The following PPIG variants were observed in gnomAD, a reference collection of about 807,000 sequenced individuals.
PPIG encodes the protein peptidylprolyl isomerase G.
A neutral mutation model predicts 87.9 loss-of-function variants in PPIG; 26 were observed. The ratio of observed to expected loss-of-function variants is 0.30; its 90% CI spans 0.22 to 0.41. The LOEUF (loss-of-function observed/expected upper bound fraction) is 0.41, where lower values mean the gene tolerates loss of function less well. Ranked by LOEUF, PPIG falls within the 10% of genes least tolerant of loss-of-function variation. PPIG has a pLI of 1.00. For missense variants in PPIG, 722 were observed against 879.4 expected (o/e 0.82, Z 2.26); for synonymous variants, 308 against 276.5 (o/e 1.11, Z -1.13).
intron 10 of PPIG, 26 bp downstream of exon 10, chr2:169,631,013 A>G: frequency 6.6e-7 from 1 of 1,520,900 alleles, no homozygotes; most frequent in Non-Finnish European, 8.9e-7. Context: ...TTCTAATGCT[A>G]GCTTTATATT....
intron 9 of PPIG, among the ~76,000 whole-genome samples, chr2:169,621,594 GTT>G (rs1163638191): frequency 6.6e-6 from 1 of 151,928 alleles, no homozygotes; most frequent in African/African-American, 2.4e-5. Flanking sequence ...CTGTAATGAT[GTT>G]TGTTACTCTA....
At chr2:169,612,866 G>A (rs181268907) in intron 7 of PPIG, among the ~76,000 whole-genome samples, 44 of 152,224 alleles carry the variant, frequency 2.9e-4, no homozygotes, top group Middle Eastern at 3.4e-3. Context: ...GAGTGAATTG[G>A]TGGGTTATAT....
At chr2:169,617,429 T>G (rs898177425) in intron 9 of PPIG, among the ~76,000 whole-genome samples, 8 of 152,246 alleles carry the variant, frequency 5.3e-5, no homozygotes, top group African/African-American at 1.9e-4. Context: ...GAGATAGCAT[T>G]GAATCTATAA....
At chr2:169,592,207 T>C (rs186745211) in intron 1 of PPIG, among the ~76,000 whole-genome samples, 27 of 150,990 alleles carry the variant, frequency 1.8e-4, no homozygotes, top group African/African-American at 5.8e-4. Context: ...TTTTGGTATC[T>C]CCTAGCATTA....
chr2:169,617,635 C>T (rs775576549), intron 9 of PPIG, among the ~76,000 whole-genome samples: 10 of 152,092 alleles, frequency 6.6e-5, no homozygotes, highest in Non-Finnish European at 1.2e-4. Flanking sequence ...AATGGGAGTT[C>T]ACTCATGATT....
At chr2:169,625,890 C>T (rs897199969) in intron 9 of PPIG, among the ~76,000 whole-genome samples, 11 of 152,166 alleles carry the variant, frequency 7.2e-5, no homozygotes, top group Admixed American at 2.0e-4. Flanking sequence ...CTAGATCCCT[C>T]GTATGCACAG....
chr2:169,607,804 C>G (rs542237814), intron 6 of PPIG, among the ~76,000 whole-genome samples: 42 of 152,180 alleles, frequency 2.8e-4, no homozygotes, highest in Admixed American at 1.4e-3. Flanking sequence ...AAATAATACT[C>G]TGTGTGCTCA....
chr2:169,630,776 A>G lies in PPIG; in HGVS notation c.550A>G (p.Lys184Glu), dbSNP rs918133287. ...CGELIPKSKV[K>E]KEEKKRHKSS... ...AAACCTTTTTGTTTTTATTAAAGTT[A>G]AGAAAGAAGAAAAGAAAAGGCATAA... The change falls in exon 10 of 14, where the codon AAG becomes GAG. Residue 184 changes from lysine to glutamate, a missense_variant and splice_region_variant. Coordinates refer to ENST00000260970, the MANE Select transcript of PPIG (RefSeq NM_004792.3). 1.3e-6 allele frequency: 2 copies of G among 1,589,686 alleles called. No individual in the cohort carries two copies. The highest frequency in any genetic ancestry group is 8.5e-7 in the Non-Finnish European group (1 of 1,173,186).
At chr2:169,605,123 C>T (rs542450323) in intron 4 of PPIG, among the ~76,000 whole-genome samples, 1 of 152,304 alleles carries the variant, frequency 6.6e-6, no homozygotes, top group Admixed American at 6.5e-5. Context: ...CACCTGATGT[C>T]AGGAGCTTGA....
chr2:169,599,781 G>A (rs1374099559), intron 1 of PPIG, among the ~76,000 whole-genome samples: 1 of 152,202 alleles, frequency 6.6e-6, no homozygotes, highest in African/African-American at 2.4e-5. Context: ...TCTGCAGTGA[G>A]TTGGATAACC....
intron 9 of PPIG, among the ~76,000 whole-genome samples, chr2:169,616,237 C>G (rs1240249225): frequency 6.6e-6 from 1 of 152,112 alleles, no homozygotes; most frequent in African/African-American, 2.4e-5. Context: ...TTTTCTTTAT[C>G]CTGTCTATCA....
chr2:169,618,710 C>A (rs1685667049), intron 9 of PPIG, among the ~76,000 whole-genome samples: 1 of 152,024 alleles, frequency 6.6e-6, no homozygotes, highest in South Asian at 2.1e-4. Context: ...TCCCCTTTAT[C>A]ATTTTTTATT....
rs1684692687 is a variant in PPIG at position 169,585,998 on chromosome 2, T to C, written c.-70+1508T>C. Among the ~76,000 whole-genome samples, 4 of 152,182 alleles carry C rather than the reference T, an allele frequency of 2.6e-5. No homozygotes were observed. The South Asian group carries it at 8.3e-4, about 32-fold the overall frequency. ...ATCGTGCTATAAAATCCAGAAAAGA[T>C]ACATTTAGAATGGCTGCTTCTCTCC... On this transcript the variant is annotated intron_variant, in intron 1 of 13. Coordinates refer to ENST00000260970, the MANE Select transcript of PPIG (RefSeq NM_004792.3).
Position 169,632,031 on chromosome 2 carries a change from T to C in PPIG, c.929+98T>C. On this transcript the variant is annotated intron_variant, in intron 11 of 13. Coordinates refer to ENST00000260970, the MANE Select transcript of PPIG (RefSeq NM_004792.3). ...AAACAAGATTTAATTGGTGACCTTG[T>C]CCCAAGATTGAAATCTTTTTTATAA... is the stretch of plus-strand genomic sequence containing the variant. 3 of 1,302,698 alleles carry C rather than the reference T, an allele frequency of 2.3e-6. No individual in the cohort carries two copies. The East Asian group carries it at 8.2e-5, about 36-fold the overall frequency. 80.7% of individuals were successfully genotyped at this position (1,302,698 alleles called of 1,614,324 possible). A position where few individuals can be genotyped will look rare whatever the true frequency, so the allele number is the denominator to read the frequency against.
At position 169,597,195 on chromosome 2, in the gene PPIG, A is replaced by G. The variant is rs1214001174; in HGVS notation, c.-69-6447A>G. ...AATAGATAATATATTCATGTGGTAT[A>G]AAATTGAAAATATGAGGTTATAAAG... On this transcript the variant is annotated intron_variant, in intron 1 of 13. Transcript: ENST00000260970. Among the ~76,000 whole-genome samples, 3 of 152,212 alleles carry G rather than the reference A, an allele frequency of 2.0e-5. No homozygotes were observed. In the East Asian group the frequency reaches 5.8e-4, roughly 29 times the overall value.
chr2:169,625,855 A>T (rs1323578557), intron 9 of PPIG, among the ~76,000 whole-genome samples: 2 of 152,150 alleles, frequency 1.3e-5, no homozygotes, highest in African/African-American at 4.8e-5. Context: ...CATCAGGCAT[A>T]AGCGTTTAAT....
rs1229860901 is a variant in PPIG at position 169,614,684 on chromosome 2, A to G, written c.507A>G (p.Val169=). Residue 169 remains valine (V), a synonymous_variant, in exon 9 of 14, where the codon GTA becomes GTG. Coordinates refer to ENST00000260970, the MANE Select transcript of PPIG (RefSeq NM_004792.3). ...TDAASKPFAE[V]RILSCGELIP... ...CAGCTAGCAAACCGTTTGCGGAGGTACGGATACTCAGTTGTGGAGAGCTGA... is the reference window on the plus strand; with the variant it reads ...CAGCTAGCAAACCGTTTGCGGAGGTGCGGATACTCAGTTGTGGAGAGCTGA... 3 of 1,611,528 alleles carry G rather than the reference A, an allele frequency of 1.9e-6. No individual in the cohort carries two copies. Among genetic ancestry groups the G allele is most frequent in the South Asian group, 1.1e-5 (1 of 90,680 alleles).
chr2:169,592,251 A>G (rs1032668920), intron 1 of PPIG, among the ~76,000 whole-genome samples: 1 of 150,694 alleles, frequency 6.6e-6, no homozygotes, highest in Non-Finnish European at 1.5e-5. Flanking sequence ...AAAAAAAATG[A>G]AAAATTGACC....
At chr2:169,593,216 C>T (rs1684916367) in intron 1 of PPIG, among the ~76,000 whole-genome samples, 2 of 151,720 alleles carry the variant, frequency 1.3e-5, no homozygotes, top group South Asian at 4.1e-4. Flanking sequence ...TATTTTGAGA[C>T]AGAGTCTTGC....
Sources: gnomAD v4.1 joint callset for allele counts (sites outside exome capture counted in the v4.1 genomes callset) on GRCh38, gnomAD v4.1.1 for gene constraint, MANE v1.5 for transcripts, NCBI Gene and HGNC (gene_info 2026-07-23, HGNC 2026-07-21) for gene names.